The following RHOBTB1 variants were observed in gnomAD, a reference collection of about 807,000 sequenced individuals.
The protein encoded by RHOBTB1 is rho-related BTB domain-containing protein 1.
RHOBTB1 carries 40 observed loss-of-function variants against 71.6 expected under a neutral mutation model. The ratio of observed to expected loss-of-function variants is 0.56; its 90% CI spans 0.43 to 0.73. RHOBTB1 has a LOEUF of 0.73. Ranked by LOEUF, RHOBTB1 falls within the 30% of genes least tolerant of loss-of-function variation. The pLI is 0.00. For missense variants in RHOBTB1, 797 were observed against 894.0 expected (o/e 0.89, Z 1.38); for synonymous variants, 319 against 334.9 (o/e 0.95, Z 0.52).
chr10:60,932,513 T>TAAAAAA (rs3049595), intron 2 of RHOBTB1, among the ~76,000 whole-genome samples: 7 of 107,932 alleles, frequency 6.5e-5, no homozygotes, highest in African/African-American at 1.1e-4. Context: ...TTTCTTAAAG[T>TAAAAAA]AAAAAAAAAA....
At chr10:60,912,096 T>A (rs1006756597) in intron 2 of RHOBTB1, among the ~76,000 whole-genome samples, 1 of 152,174 alleles carries the variant, frequency 6.6e-6, no homozygotes, top group Non-Finnish European at 1.5e-5. Flanking sequence ...GCTGAAAGAC[T>A]ACCTGATGTC....
At chr10:60,995,514 T>C (rs1311252652) in intron 1 of RHOBTB1, among the ~76,000 whole-genome samples, 1 of 152,152 alleles carries the variant, frequency 6.6e-6, no homozygotes, top group Non-Finnish European at 1.5e-5. Flanking sequence ...TTAAAAGGCT[T>C]TGGGGAACAA....
intron 2 of RHOBTB1, among the ~76,000 whole-genome samples, chr10:60,916,267 A>G (rs2083264584): frequency 6.6e-6 from 1 of 152,202 alleles, no homozygotes; most frequent in African/African-American, 2.4e-5. Flanking sequence ...GGCCTAGCCC[A>G]GCAGGGATGA....
At chr10:60,952,142 T>C (rs1379113245) in intron 2 of RHOBTB1, among the ~76,000 whole-genome samples, 1 of 151,216 alleles carries the variant, frequency 6.6e-6, no homozygotes, top group Admixed American at 6.6e-5. Flanking sequence ...ATCACTCATA[T>C]ATAAAGGCCA....
At chr10:60,905,471 A>AT (rs1461061618) in intron 4 of RHOBTB1, among the ~76,000 whole-genome samples, 3 of 151,436 alleles carry the variant, frequency 2.0e-5, no homozygotes, top group African/African-American at 7.3e-5. Flanking sequence ...AAAAAAAAAA[A>AT]AAAATTCAAA....
At chr10:60,929,294 C>T (rs1375742813) in intron 2 of RHOBTB1, among the ~76,000 whole-genome samples, 2 of 152,006 alleles carry the variant, frequency 1.3e-5, no homozygotes, top group Non-Finnish European at 2.9e-5. Flanking sequence ...AACTAACATG[C>T]ATCCATAATA....
intron 2 of RHOBTB1, among the ~76,000 whole-genome samples, chr10:60,973,223 GTTAAACA>G (rs2086218730): frequency 6.6e-6 from 1 of 152,002 alleles, no homozygotes; most frequent in South Asian, 2.1e-4. Context: ...GTTCTCATCT[GTTAAACA>G]CTCACATATC....
intron 1 of RHOBTB1, among the ~76,000 whole-genome samples, chr10:60,986,758 T>C (rs1468851980): frequency 6.6e-6 from 1 of 152,116 alleles, no homozygotes; most frequent in East Asian, 1.9e-4. Flanking sequence ...TGGAGGTAGT[T>C]ATTATTGCTG....
intron 4 of RHOBTB1, among the ~76,000 whole-genome samples, chr10:60,895,722 A>G (rs1250801326): frequency 6.6e-6 from 1 of 152,254 alleles, no homozygotes. Context: ...TATTTTAAGT[A>G]TCACAATGCT....
At chr10:60,941,272 T>C (rs2084888178) in intron 2 of RHOBTB1, among the ~76,000 whole-genome samples, 1 of 152,174 alleles carries the variant, frequency 6.6e-6, no homozygotes, top group South Asian at 2.1e-4. Context: ...GAACATATTA[T>C]CTAATGTCTC....
intron 4 of RHOBTB1, among the ~76,000 whole-genome samples, chr10:60,899,084 C>A (rs961763100): frequency 6.6e-6 from 1 of 152,306 alleles, no homozygotes; most frequent in Non-Finnish European, 1.5e-5. Flanking sequence ...TGAAATCAGG[C>A]CATTTTCCAC....
chr10:60,952,666 T>A (rs2085454277), intron 2 of RHOBTB1, among the ~76,000 whole-genome samples: 2 of 152,226 alleles, frequency 1.3e-5, no homozygotes, highest in South Asian at 4.1e-4. Flanking sequence ...TCATTCAAAG[T>A]ATTGCTGATT....
intron 2 of RHOBTB1, among the ~76,000 whole-genome samples, chr10:60,919,117 G>A (rs1244909102): frequency 6.6e-6 from 1 of 152,162 alleles, no homozygotes; most frequent in Non-Finnish European, 1.5e-5. Context: ...CCCATGGAGG[G>A]ACCTTTGTAG....
At chr10:60,864,991 T>C (rs913832993), downstream of RHOBTB1, among the ~76,000 whole-genome samples, 6 of 152,160 alleles carry the variant, frequency 3.9e-5, no homozygotes, top group African/African-American at 1.2e-4. Flanking sequence ...GTGCCCGGCT[T>C]GACTACTTAT....
At chr10:60,962,206 A>T (rs2085806491) in intron 2 of RHOBTB1, among the ~76,000 whole-genome samples, 1 of 152,154 alleles carries the variant, frequency 6.6e-6, no homozygotes, top group African/African-American at 2.4e-5. Context: ...ATGTCTATGC[A>T]TTATAAAGTT....
intron 1 of RHOBTB1, among the ~76,000 whole-genome samples, chr10:60,994,117 T>C (rs1383143565): frequency 1.3e-5 from 2 of 152,148 alleles, no homozygotes; most frequent in East Asian, 1.9e-4. Context: ...AAAAACCATA[T>C]CCTGATCTTT....
rs186748128 is a variant in RHOBTB1, at chr10:60,973,143, A to T, written c.-62+12702T>A. ...AAGGATTCAATATGGACTGCCTCAAATATAAAGGTAAGCAATTATTAAGAA... is the reference window on the plus strand; with the variant it reads ...AAGGATTCAATATGGACTGCCTCAATTATAAAGGTAAGCAATTATTAAGAA... On this transcript the variant is annotated intron_variant, in intron 2 of 11. Coordinates refer to the RHOBTB1 transcript ENST00000357917. Among the ~76,000 whole-genome samples the T allele has an allele frequency of 4.6e-5, 7 of 152,144 alleles. No individual in the cohort carries two copies. The East Asian group carries it at 1.4e-3, about 29-fold the overall frequency.
At chr10:60,998,365 A>G (rs1240838695) in intron 1 of RHOBTB1, among the ~76,000 whole-genome samples, 1 of 152,272 alleles carries the variant, frequency 6.6e-6, no homozygotes. Flanking sequence ...GGAATACAGT[A>G]ATGAAAAAAG....
chr10:60,928,939 T>C (rs889879147), intron 2 of RHOBTB1, among the ~76,000 whole-genome samples: 3 of 152,116 alleles, frequency 2.0e-5, no homozygotes, highest in African/African-American at 7.2e-5. Flanking sequence ...ACAGGAAGCA[T>C]GGCTTGGGAG....
Sources: gnomAD v4.1 joint callset for allele counts (sites outside exome capture counted in the v4.1 genomes callset) on GRCh38, gnomAD v4.1.1 for gene constraint, MANE v1.5 for transcripts, NCBI Gene and HGNC (gene_info 2026-07-23, HGNC 2026-07-21) for gene names.